CARMIL1: variants seen among roughly 807,000 people sequenced by gnomAD.
CARMIL1 encodes the protein F-actin-uncapping protein LRRC16A.
In CARMIL1, 90 loss-of-function variants were observed where a neutral mutation model predicts 177.1. The observed-to-expected ratio is 0.51, with a 90% CI of 0.43 to 0.61. The LOEUF is 0.61. Ranked by LOEUF, CARMIL1 falls within the 20% of genes least tolerant of loss-of-function variation. CARMIL1 has a pLI of 0.00. For synonymous variants in CARMIL1, 577 were observed against 606.2 expected, an observed-to-expected ratio of 0.95 and a Z score of 0.71; for missense variants, 1,380 against 1,667.0, an observed-to-expected ratio of 0.83 and a Z score of 3.00.
At position 25,485,238 on chromosome 6, in the gene CARMIL1, T is replaced by C. The variant is rs969285237; in HGVS notation, c.961+2895T>C. Among the ~76,000 whole-genome samples the C allele has an allele frequency of 2.6e-5, 4 of 151,990 alleles. 1 individual carries two copies. Among genetic ancestry groups the C allele is most frequent in the Admixed American group, 2.6e-4 (4 of 15,268 alleles). ...TTTTAGTGTGGTAACAGTGGGGAGG[T>C]CCTACGGGCAAAGCTGGGCTTCTCC... On this transcript the variant is annotated intron_variant, in intron 12 of 36. Transcript: ENST00000329474.
intron 2 of CARMIL1, among the ~76,000 whole-genome samples, chr6:25,378,234 C>A (rs1243211463): frequency 6.6e-6 from 1 of 152,184 alleles, no homozygotes; most frequent in African/African-American, 2.4e-5. Context: ...AATCTCATAG[C>A]CACAGTGTAC....
chr6:25,465,670 T>A (rs928085985), intron 8 of CARMIL1: 4 of 530,116 alleles, frequency 7.5e-6, no homozygotes, highest in African/African-American at 5.7e-5. Context: ...GGAAACAGAG[T>A]CCCTAGAGAC....
chr6:25,471,195 G>C lies in CARMIL1; in HGVS notation c.717G>C (p.Leu239Phe), dbSNP rs558067335. 2.3e-5 allele frequency: 37 copies of C among 1,613,162 alleles called. 2 individuals are homozygous for C. In the South Asian group the frequency reaches 4.1e-4, roughly 18 times the overall value. Reference sequence around the variant, plus strand: ...CCACTGATGTCTGTGAACAGATCTTGAGGGTGGTGAGTAGGTCCAATCGAC... The same window carrying C: ...CCACTGATGTCTGTGAACAGATCTTCAGGGTGGTGAGTAGGTCCAATCGAC... ...KLSTDVCEQI[L>F]RVVSRSNRLE... The change falls in exon 10 of 37, where the codon TTG (leucine) becomes TTC (phenylalanine). Residue 239 changes from leucine (L) to phenylalanine (F), a missense_variant. Transcript: ENST00000329474.
At chr6:25,536,179 G>A (rs1190305296) in intron 24 of CARMIL1, among the ~76,000 whole-genome samples, 17 of 152,054 alleles carry the variant, frequency 1.1e-4, no homozygotes, top group Admixed American at 1.1e-3. Flanking sequence ...CTTGAAATTA[G>A]GCATTCATTC....
intron 2 of CARMIL1, among the ~76,000 whole-genome samples, chr6:25,390,318 A>ATTTTTTTTTT (rs1271192027): frequency 6.9e-5 from 3 of 43,690 alleles, no homozygotes; most frequent in East Asian, 5.0e-4. Flanking sequence ...ATATATATAT[A>ATTTTTTTTTT]TATTTTTTTT....
intron 2 of CARMIL1, chr6:25,350,794 T>G (rs1788037136): frequency 6.6e-6 from 1 of 152,222 alleles, no homozygotes; most frequent in African/African-American, 2.4e-5. Context: ...TCCCTGGATG[T>G]GCTGTCAGTT....
intron 34 of CARMIL1, among the ~76,000 whole-genome samples, chr6:25,605,269 C>T (rs561084790): frequency 6.6e-6 from 1 of 152,182 alleles, no homozygotes. Context: ...AGATGGGTGG[C>T]TGTCTTGTTT....
chr6:25,335,495 G>A (rs1202327632), intron 2 of CARMIL1, among the ~76,000 whole-genome samples: 1 of 152,188 alleles, frequency 6.6e-6, no homozygotes, highest in African/African-American at 2.4e-5. Flanking sequence ...TAGTTGTACT[G>A]TTTTTAATCT....
At chr6:25,425,439 G>A (rs1340591826) in intron 3 of CARMIL1, among the ~76,000 whole-genome samples, 1 of 152,082 alleles carries the variant, frequency 6.6e-6, no homozygotes, top group African/African-American at 2.4e-5. Context: ...TTCTACCAAC[G>A]TATCATGGTA....
intron 17 of CARMIL1, 149 bp downstream of exon 17, chr6:25,500,384 C>G (rs1360339659): frequency 3.0e-6 from 2 of 664,442 alleles, no homozygotes; most frequent in Non-Finnish European, 5.1e-6. Flanking sequence ...CTGTATTTTG[C>G]AAGTTTCATC....
chr6:25,401,318 C>T (rs1459639193), intron 2 of CARMIL1, among the ~76,000 whole-genome samples: 1 of 151,926 alleles, frequency 6.6e-6, no homozygotes. Context: ...TATATACATA[C>T]ACACACAAAA....
intron 26 of CARMIL1, among the ~76,000 whole-genome samples, chr6:25,543,022 G>A (rs1809076725): frequency 6.6e-6 from 1 of 152,050 alleles, no homozygotes; most frequent in Non-Finnish European, 1.5e-5. Flanking sequence ...AAAGTCGATG[G>A]ATTATCTTGT....
intron 2 of CARMIL1, among the ~76,000 whole-genome samples, chr6:25,362,823 T>A (rs1789361557): frequency 6.6e-6 from 1 of 151,996 alleles, no homozygotes. Flanking sequence ...TCACCTGAGG[T>A]CAGGAGTTTG....
At chr6:25,345,908 C>T (rs1361715009) in intron 2 of CARMIL1, among the ~76,000 whole-genome samples, 1 of 152,186 alleles carries the variant, frequency 6.6e-6, no homozygotes, top group Admixed American at 6.5e-5. Context: ...TGAGCCACTG[C>T]GCCCAGTCTG....
intron 2 of CARMIL1, among the ~76,000 whole-genome samples, chr6:25,387,000 G>A (rs1414726994): frequency 2.0e-5 from 3 of 151,056 alleles, no homozygotes; most frequent in South Asian, 4.2e-4. Flanking sequence ...CATGATGGCC[G>A]GTGCCTGTAA....
At chr6:25,435,023 T>C in intron 4 of CARMIL1, among the ~76,000 whole-genome samples, 1 of 152,226 alleles carries the variant, frequency 6.6e-6, no homozygotes, top group East Asian at 1.9e-4. Context: ...TTACACTACA[T>C]AGCAGGGATA....
chr6:25,414,809 A>G (rs970715503), intron 2 of CARMIL1, among the ~76,000 whole-genome samples: 6 of 152,098 alleles, frequency 3.9e-5, no homozygotes, highest in African/African-American at 1.4e-4. Flanking sequence ...GTGTCTCTGG[A>G]GGCTTTCACT....
At chr6:25,520,414 A>G (rs1193667011) in intron 23 of CARMIL1, 77 bp downstream of exon 23, 33 of 816,648 alleles carry the variant, frequency 4.0e-5, no homozygotes, top group Middle Eastern at 2.3e-4. Context: ...TATAAACAAT[A>G]CTTTGTTATT....
intron 2 of CARMIL1, among the ~76,000 whole-genome samples, chr6:25,419,157 A>C (rs1218727739): frequency 6.6e-6 from 1 of 152,188 alleles, no homozygotes; most frequent in Non-Finnish European, 1.5e-5. Context: ...CTGAGGTCCC[A>C]GTGTTCTTAA....
Sources: allele counts gnomAD v4.1 joint callset (sites outside exome capture counted in the v4.1 genomes callset), GRCh38; gene constraint gnomAD v4.1.1; transcripts MANE v1.5; gene names NCBI Gene and HGNC (gene_info 2026-07-23, HGNC 2026-07-21).